UBE3A: variants seen among roughly 807,000 people sequenced by gnomAD.
UBE3A encodes the protein ubiquitin protein ligase E3A.
A neutral mutation model predicts 83.4 loss-of-function variants in UBE3A; 6 were observed. That is an observed-to-expected ratio of 0.07 (90% CI 0.04 to 0.14). The LOEUF (loss-of-function observed/expected upper bound fraction) is 0.14. Among genes scored for constraint, UBE3A ranks in the 10% least tolerant of loss-of-function variants. UBE3A has a pLI of 1.00. For missense variants in UBE3A, 456 were observed against 1,036.1 expected, an observed-to-expected ratio of 0.44 and a Z score of 7.69; for synonymous variants, 337 against 355.4, an observed-to-expected ratio of 0.95 and a Z score of 0.58.
intron 4 of UBE3A, among the ~76,000 whole-genome samples, chr15:25,384,521 A>T (rs2152918548): frequency 1.3e-5 from 2 of 152,098 alleles, no homozygotes; most frequent in Middle Eastern, 6.8e-3. Context: ...TAAAGACAAT[A>T]CAAATAAATG....
At position 25,370,498 on chromosome 15, in the gene UBE3A, A is replaced by T; in HGVS notation, c.1608+68T>A. The T allele has an allele frequency of 6.3e-7, 1 of 1,581,778 alleles. No homozygotes were observed. The highest frequency in any genetic ancestry group is 1.7e-5 in the Admixed American group (1 of 59,970). On this transcript the variant is annotated intron_variant, in intron 6 of 12. Transcript: ENST00000648336. The surrounding 1 kb of genome is among the most constrained non-coding windows in gnomAD (Gnocchi z 4.2). ...GTATCATTTTTTTCAGTCACTTTTA[A>T]AATGAATTCACTGAACTGTATCATG... is the stretch of plus-strand genomic sequence containing the variant.
chr15:25,425,182 C>T (rs1246089218), intron 1 of UBE3A, among the ~76,000 whole-genome samples: 1 of 151,992 alleles, frequency 6.6e-6, no homozygotes, highest in African/African-American at 2.4e-5. Context: ...CTTGAAAATA[C>T]CATGGTAAGT....
chr15:25,363,810 A>G (rs2078539251), intron 6 of UBE3A, among the ~76,000 whole-genome samples: 1 of 152,138 alleles, frequency 6.6e-6, no homozygotes, highest in Admixed American at 6.5e-5. Context: ...GTAGTTGGTA[A>G]CTGAATTCTG....
chr15:25,356,715 A>G lies in UBE3A; in HGVS notation c.1935T>C (p.Phe645=). Residue 645 remains phenylalanine (F), a synonymous_variant, in exon 8 of 13, where the codon TTT becomes TTC. Transcript: ENST00000648336. ...YRKLMGKKGT[F]RDLGDSHPVL... is the part of the protein sequence containing the mutation. ...CTGGGTGAGAGTCTCCCAAGTCACG[A>G]AAAGTTCCTTTTTTCCCCATTAGCT... The G allele has an allele frequency of 6.2e-7, 1 of 1,613,422 alleles. No individual in the cohort carries two copies. Among genetic ancestry groups the G allele is most frequent in the Non-Finnish European group, 8.5e-7 (1 of 1,179,894 alleles).
At chr15:25,402,452 ATG>A (rs1187423757) in intron 4 of UBE3A, among the ~76,000 whole-genome samples, 1 of 152,144 alleles carries the variant, frequency 6.6e-6, no homozygotes, top group African/African-American at 2.4e-5. Flanking sequence ...TTCTGCAGTG[ATG>A]TGAGGCCACA....
chr15:25,395,865 AAAC>A (rs2085439488), intron 4 of UBE3A, among the ~76,000 whole-genome samples: 1 of 152,202 alleles, frequency 6.6e-6, no homozygotes, highest in African/African-American at 2.4e-5. Context: ...ATACATCTGG[AAAC>A]ATAGCCTTAG....
intron 1 of UBE3A, among the ~76,000 whole-genome samples, chr15:25,432,713 A>C (rs181007927): frequency 4.9e-4 from 75 of 152,322 alleles, no homozygotes; most frequent in African/African-American, 1.8e-3. Flanking sequence ...CAAAACTGTT[A>C]AGAGTCACAG....
At chr15:25,379,673 A>G (rs994825764) in intron 4 of UBE3A, among the ~76,000 whole-genome samples, 1 of 152,224 alleles carries the variant, frequency 6.6e-6, no homozygotes, top group African/African-American at 2.4e-5. Context: ...ACGTTGGAAA[A>G]GTATACACTA....
chr15:25,392,809 A>C (rs2084710433), intron 4 of UBE3A, among the ~76,000 whole-genome samples: 1 of 152,204 alleles, frequency 6.6e-6, no homozygotes, highest in Non-Finnish European at 1.5e-5. Flanking sequence ...AGTTCAAGAA[A>C]AGTTTCAAAA....
At chr15:25,369,888 A>G (rs568608140) in intron 6 of UBE3A, among the ~76,000 whole-genome samples, 29 of 152,258 alleles carry the variant, frequency 1.9e-4, no homozygotes, top group African/African-American at 6.5e-4. Context: ...TCCCTGCTCA[A>G]TCTCCCTGGA....
intron 4 of UBE3A, among the ~76,000 whole-genome samples, chr15:25,399,717 C>T (rs906212379): frequency 4.0e-5 from 6 of 151,556 alleles, no homozygotes; most frequent in African/African-American, 1.5e-4. Flanking sequence ...TACAGATACA[C>T]AGCACCGCGC....
intron 4 of UBE3A, among the ~76,000 whole-genome samples, chr15:25,404,191 T>A (rs1178883993): frequency 1.3e-5 from 2 of 152,158 alleles, no homozygotes; most frequent in African/African-American, 4.8e-5. Context: ...TTCTTGCAGA[T>A]TCACAATATA....
Position 25,365,609 on chromosome 15 carries a change from A to G in UBE3A, c.1608+4957T>C, listed in dbSNP as rs544534558. 2.0e-3 allele frequency among the ~76,000 whole-genome samples: 291 copies of G among 144,464 alleles called. 2 individuals carry two copies. Among genetic ancestry groups the G allele is most frequent in the African/African-American group, 6.7e-3 (276 of 41,018 alleles). 94.8% of individuals were successfully genotyped at this position (144,464 alleles called of 152,430 possible). On this transcript the variant is annotated intron_variant, in intron 6 of 12. Transcript: ENST00000648336. ...AAAAATACAAAAAAATTAGCTGGGC[A>G]TGGTGGCAGGCGCCTGTAGTCCCAG... is the stretch of plus-strand genomic sequence containing the variant.
chr15:25,344,210 C>T (rs1222721330), intron 11 of UBE3A, among the ~76,000 whole-genome samples: 21 of 152,108 alleles, frequency 1.4e-4, no homozygotes, highest in Admixed American at 1.3e-3. Context: ...AAAATAACCT[C>T]GATGCCCATA....
intron 1 of UBE3A, among the ~76,000 whole-genome samples, chr15:25,435,478 A>T (rs1029184087): frequency 1.3e-5 from 2 of 152,176 alleles, no homozygotes; most frequent in Admixed American, 6.5e-5. Context: ...CTAACCTCCA[A>T]GGTGATAGTA....
At chr15:25,392,540 C>T (rs1299347501) in intron 4 of UBE3A, among the ~76,000 whole-genome samples, 5 of 152,076 alleles carry the variant, frequency 3.3e-5, no homozygotes, top group Admixed American at 6.6e-5. Context: ...AAAAAGGGCT[C>T]TTCAAGGAAT....
chr15:25,370,433 A>G lies in UBE3A; in HGVS notation c.1608+133T>C. 9.4e-7 allele frequency: 1 copy of G among 1,067,150 alleles called. No homozygotes were observed. Among genetic ancestry groups the G allele is most frequent in the South Asian group, 1.3e-5 (1 of 74,606 alleles). 66.1% of individuals were successfully genotyped at this position (1,067,150 alleles called of 1,614,324 possible). A position where few individuals can be genotyped will look rare whatever the true frequency, so the allele number is the denominator to read the frequency against. ...CAGGAACAACAAAAGTATAATACTT[A>G]TATAAGATCAGAAATGTCCATGTGT... On this transcript the variant is annotated intron_variant, in intron 6 of 12. Transcript: ENST00000648336. This position sits in a 1 kb window ranked among gnomAD's most constrained non-coding sequence, Gnocchi z 4.2.
chr15:25,356,526 T>C (rs896184767), intron 8 of UBE3A, among the ~76,000 whole-genome samples, 165 bp downstream of exon 8: 1 of 152,220 alleles, frequency 6.6e-6, no homozygotes, highest in African/African-American at 2.4e-5. Context: ...CCCTTTGAGT[T>C]TTTAAGTGTT....
chr15:25,352,715 C>T (rs1219705234), intron 11 of UBE3A, among the ~76,000 whole-genome samples: 4 of 152,098 alleles, frequency 2.6e-5, no homozygotes, highest in Non-Finnish European at 4.4e-5. Flanking sequence ...CTTCAACTAC[C>T]GAATACTTGT....
Sources: allele counts gnomAD v4.1 joint callset (sites outside exome capture counted in the v4.1 genomes callset), GRCh38; gene constraint gnomAD v4.1.1; non-coding constraint Gnocchi (gnomAD v3.1); transcripts MANE v1.5; gene names NCBI Gene and HGNC (gene_info 2026-07-23, HGNC 2026-07-21).